The following MGMT variants were observed in gnomAD, a reference collection of about 807,000 sequenced individuals.
MGMT encodes O-6-methylguanine-DNA methyltransferase, also known as methylated-DNA--protein-cysteine methyltransferase.
A neutral mutation model predicts 15.9 loss-of-function variants in MGMT; 14 were observed. The ratio of observed to expected loss-of-function variants is 0.88; its 90% CI spans 0.58 to 1.37. MGMT has a LOEUF of 1.37. Ranked by LOEUF, MGMT falls within the 40% of genes most tolerant of loss-of-function variation. The probability of loss-of-function intolerance (pLI) is 0.00; values close to 1 mark genes in which losing one functional copy is unlikely to be tolerated. For synonymous variants in MGMT, 130 were observed against 118.2 expected (o/e 1.10, Z -0.65); for missense variants, 282 against 268.1 (o/e 1.05, Z -0.36).
chr10:129,592,763 A>C (rs1311493060), intron 2 of MGMT, among the ~76,000 whole-genome samples: 1 of 152,016 alleles, frequency 6.6e-6, no homozygotes, highest in Admixed American at 6.6e-5. Flanking sequence ...TGTGGAAGAC[A>C]GTCTCAAAAA....
intron 1 of MGMT, among the ~76,000 whole-genome samples, chr10:129,536,020 A>T (rs547977186): frequency 1.3e-5 from 2 of 152,226 alleles, no homozygotes; most frequent in South Asian, 4.1e-4. Context: ...TTTAGGAAAT[A>T]AAAGGAGACT....
At position 129,767,179 on chromosome 10, in the gene MGMT, T is replaced by C. The variant is rs1848949179; in HGVS notation, c.*182T>C. ...AGACGCCCGCGGTCCTGCACACATT[T>C]GTTTCCTTCTCTAACGCTGCCCTTG... On this transcript the variant is annotated 3_prime_UTR_variant, in exon 5 of 5. Coordinates refer to ENST00000651593, the MANE Select transcript of MGMT (RefSeq NM_002412.5). 1 of 545,812 alleles carries C rather than the reference T, an allele frequency of 1.8e-6. No individual in the cohort carries two copies. Among genetic ancestry groups the C allele is most frequent in the African/African-American group, 1.9e-5 (1 of 51,722 alleles). 33.8% of individuals were successfully genotyped at this position (545,812 alleles called of 1,614,324 possible). A position where few individuals can be genotyped will look rare whatever the true frequency, so the allele number is the denominator to read the frequency against.
At chr10:129,751,957 C>G (rs1411284916) in intron 3 of MGMT, among the ~76,000 whole-genome samples, 1 of 151,876 alleles carries the variant, frequency 6.6e-6, no homozygotes, top group Non-Finnish European at 1.5e-5. Flanking sequence ...TTTATGCACA[C>G]TTGAAAAGAG....
chr10:129,736,885 G>A (rs1318947438), intron 3 of MGMT, among the ~76,000 whole-genome samples: 1 of 152,102 alleles, frequency 6.6e-6, no homozygotes, highest in Non-Finnish European at 1.5e-5. Context: ...TTGAATATTG[G>A]CCCCCATTCT....
At chr10:129,525,094 C>T (rs946741770) in intron 1 of MGMT, among the ~76,000 whole-genome samples, 6 of 152,052 alleles carry the variant, frequency 3.9e-5, no homozygotes, top group African/African-American at 1.4e-4. Context: ...CGTTTTCTGC[C>T]CTTTTCTCTA....
chr10:129,568,793 T>A (rs1846384110), intron 2 of MGMT, among the ~76,000 whole-genome samples: 1 of 151,910 alleles, frequency 6.6e-6, no homozygotes, highest in Non-Finnish European at 1.5e-5. Context: ...TGCCCCCTTT[T>A]CCCTGCCCCC....
intron 2 of MGMT, among the ~76,000 whole-genome samples, chr10:129,623,543 G>A (rs992296977): frequency 7.2e-5 from 11 of 152,088 alleles, no homozygotes; most frequent in African/African-American, 2.7e-4. Context: ...ATATATGTAT[G>A]TATATATATA....
chr10:129,691,576 A>C (rs1394960809), intron 2 of MGMT, among the ~76,000 whole-genome samples: 1 of 152,114 alleles, frequency 6.6e-6, no homozygotes, highest in African/African-American at 2.4e-5. Flanking sequence ...GAGGGAGCAG[A>C]GAGGCTTGAA....
chr10:129,655,510 A>G (rs975908320), intron 2 of MGMT, among the ~76,000 whole-genome samples: 1 of 152,146 alleles, frequency 6.6e-6, no homozygotes, highest in South Asian at 2.1e-4. Flanking sequence ...TTGAGTTTTA[A>G]ACGTCCAGAC....
intron 2 of MGMT, among the ~76,000 whole-genome samples, chr10:129,591,617 G>A (rs2133054419): frequency 6.6e-6 from 1 of 152,296 alleles, no homozygotes; most frequent in East Asian, 1.9e-4. Flanking sequence ...TTTGCAGGTG[G>A]TGGACGGTGT....
rs374717890 is a variant in MGMT, at chr10:129,759,280, C to T, written c.353C>T (p.Ala118Val). 3 of 1,614,082 alleles carry T rather than the reference C, an allele frequency of 1.9e-6. No individual in the cohort carries two copies. In the African/African-American group the frequency reaches 4.0e-5, roughly 22 times the overall value. Residue 118 changes from alanine to valine, a missense_variant, in exon 4 of 5, where the codon GCA becomes GTA. Coordinates refer to ENST00000651593, the MANE Select transcript of MGMT (RefSeq NM_002412.5). ...GAAGTGATTTCTTACCAGCAATTAG[C>T]AGCCCTGGCAGGCAACCCCAAAGCC... ...FGEVISYQQL[A>V]ALAGNPKAAR...
chr10:129,652,512 G>A (rs1183219419), intron 2 of MGMT, among the ~76,000 whole-genome samples: 1 of 152,236 alleles, frequency 6.6e-6, no homozygotes, highest in Non-Finnish European at 1.5e-5. Context: ...GGCTTTCAAA[G>A]GCCTGAGAGC....
chr10:129,593,682 A>G (rs1384479374), intron 2 of MGMT, among the ~76,000 whole-genome samples: 3 of 152,214 alleles, frequency 2.0e-5, no homozygotes, highest in African/African-American at 7.2e-5. Context: ...TCAATCATCC[A>G]GGCTCCTTAA....
rs568778893 is a variant in MGMT, at chr10:129,482,772, G to A, written c.-13+15476G>A. On this transcript the variant is annotated intron_variant, in intron 1 of 4. Coordinates refer to ENST00000651593, the MANE Select transcript of MGMT (RefSeq NM_002412.5). ...TTTTCCATTCTTTTATGTTGAACCTGTTCTTGTCATTACATTTAATGTGTG... is the reference window on the plus strand; with the variant it reads ...TTTTCCATTCTTTTATGTTGAACCTATTCTTGTCATTACATTTAATGTGTG... 7.2e-5 allele frequency among the ~76,000 whole-genome samples: 11 copies of A among 152,202 alleles called. No individual in the cohort carries two copies. In the South Asian group the frequency reaches 2.1e-3, roughly 29 times the overall value.
chr10:129,555,647 C>G (rs949058133), intron 2 of MGMT, among the ~76,000 whole-genome samples: 1 of 151,858 alleles, frequency 6.6e-6, no homozygotes, highest in African/African-American at 2.4e-5. Flanking sequence ...CCCAGGAGTT[C>G]AGAGCTGCAG....
chr10:129,593,486 C>G (rs1028253793), intron 2 of MGMT, among the ~76,000 whole-genome samples: 1 of 152,244 alleles, frequency 6.6e-6, no homozygotes, highest in South Asian at 2.1e-4. Context: ...GAGGGAGCCC[C>G]TGGCTTCTTA....
intron 2 of MGMT, among the ~76,000 whole-genome samples, chr10:129,574,791 T>A (rs1321002032): frequency 2.0e-5 from 3 of 152,228 alleles, no homozygotes; most frequent in African/African-American, 7.2e-5. Context: ...CTATTTTCCC[T>A]AAGTTTCCCA....
chr10:129,552,619 C>T (rs575360889), intron 2 of MGMT, among the ~76,000 whole-genome samples: 1 of 152,340 alleles, frequency 6.6e-6, no homozygotes, highest in South Asian at 2.1e-4. Context: ...GCATCGCAGG[C>T]ACATCGTCTG....
chr10:129,475,898 T>G (rs1845288427), intron 1 of MGMT, among the ~76,000 whole-genome samples: 1 of 152,254 alleles, frequency 6.6e-6, no homozygotes, highest in Non-Finnish European at 1.5e-5. Context: ...TGGTCATCCT[T>G]GGCCCAGCAA....
Sources: allele counts gnomAD v4.1 joint callset (sites outside exome capture counted in the v4.1 genomes callset), GRCh38; gene constraint gnomAD v4.1.1; transcripts MANE v1.5; gene names NCBI Gene and HGNC (gene_info 2026-07-23, HGNC 2026-07-21).